CDH12: variants seen among roughly 807,000 people sequenced by gnomAD.
CDH12 encodes cadherin-12.
CDH12 carries 41 observed loss-of-function variants against 74.1 expected under a neutral mutation model. The observed-to-expected ratio is 0.55, with a 90% confidence interval of 0.43 to 0.72. The LOEUF is 0.72. CDH12 is among the 30% of genes least tolerant of loss of function. The pLI is 0.00. For missense variants in CDH12, 945 were observed against 977.2 expected (o/e 0.97, Z 0.44); for synonymous variants, 399 against 355.0 (o/e 1.12, Z -1.39).
chr5:22,002,059 T>G (rs2150144701), intron 5 of CDH12, among the ~76,000 whole-genome samples: 1 of 152,266 alleles, frequency 6.6e-6, no homozygotes, highest in African/African-American at 2.4e-5. Context: ...CTTGTAAAAG[T>G]TATTTATGAC....
At chr5:22,320,849 G>A (rs539715328) in intron 3 of CDH12, among the ~76,000 whole-genome samples, 5 of 152,258 alleles carry the variant, frequency 3.3e-5, no homozygotes, top group Non-Finnish European at 5.9e-5. Flanking sequence ...TAGTGGAAAG[G>A]GAGCTCTATC....
chr5:21,770,259 G>T lies in CDH12; in HGVS notation c.1394-5160C>A, dbSNP rs77402070. On this transcript the variant is annotated intron_variant, in intron 11 of 14. Coordinates refer to ENST00000382254, the MANE Select transcript of CDH12 (RefSeq NM_004061.5). ...AAGTACTAATGAACACAAGGTTCTTGTTAGATTAAAATACACTGGAGTTAT... is the reference window on the plus strand; with the variant it reads ...AAGTACTAATGAACACAAGGTTCTTTTTAGATTAAAATACACTGGAGTTAT... Among the ~76,000 whole-genome samples the T allele has an allele frequency of 5.2e-3, 798 of 152,288 alleles. 6 individuals are homozygous for T. Among genetic ancestry groups the T allele is most frequent in the African/African-American group, 0.018 (743 of 41,564 alleles).
Position 21,783,386 on chromosome 5 carries a change from A to G in CDH12, c.1365T>C (p.Tyr455=). 9.3e-6 allele frequency: 15 copies of G among 1,613,334 alleles called. No individual in the cohort carries two copies. Among genetic ancestry groups the G allele is most frequent in the Non-Finnish European group, 1.2e-5 (14 of 1,179,338 alleles). ...ELLDRESTAQ[Y]NFSIIASKVS... Reference sequence around the variant, plus strand: ...CTTTACTCGCAATTATGGAGAAATTATACTGCGCAGTGCTTTCTCTGTCTA... The same window carrying G: ...CTTTACTCGCAATTATGGAGAAATTGTACTGCGCAGTGCTTTCTCTGTCTA... Residue 455 remains tyrosine, a synonymous_variant, in exon 11 of 15, where the codon TAT becomes TAC. Coordinates refer to ENST00000382254, the MANE Select transcript of CDH12 (RefSeq NM_004061.5).
intron 2 of CDH12, among the ~76,000 whole-genome samples, chr5:22,478,246 G>A (rs968239614): frequency 4.0e-5 from 6 of 151,778 alleles, no homozygotes; most frequent in Non-Finnish European, 5.9e-5. Context: ...GTGAAACTCC[G>A]TCTCTACTAA....
intron 3 of CDH12, among the ~76,000 whole-genome samples, chr5:22,351,038 G>A (rs1227166158): frequency 2.0e-5 from 3 of 152,080 alleles, no homozygotes; most frequent in Non-Finnish European, 4.4e-5. Flanking sequence ...GCGGAGTCAA[G>A]CCTTATAGAG....
At chr5:22,116,794 A>G (rs1333938310) in intron 4 of CDH12, among the ~76,000 whole-genome samples, 1 of 151,764 alleles carries the variant, frequency 6.6e-6, no homozygotes, top group Non-Finnish European at 1.5e-5. Context: ...ACCTGTTACA[A>G]CAACAATAGG....
intron 1 of CDH12, among the ~76,000 whole-genome samples, chr5:22,844,840 G>A (rs1737229189): frequency 6.6e-6 from 1 of 152,106 alleles, no homozygotes; most frequent in Admixed American, 6.6e-5. Flanking sequence ...TCTGAAGAGA[G>A]CTACTGAATT....
intron 1 of CDH12, among the ~76,000 whole-genome samples, chr5:22,529,787 T>C (rs1031019768): frequency 1.3e-5 from 2 of 152,162 alleles, no homozygotes; most frequent in African/African-American, 4.8e-5. Flanking sequence ...TGCCAGATAT[T>C]GGCAATGAGA....
At chr5:21,856,434 G>A (rs1014971703) in intron 6 of CDH12, among the ~76,000 whole-genome samples, 13 of 151,714 alleles carry the variant, frequency 8.6e-5, no homozygotes, top group African/African-American at 3.1e-4. Flanking sequence ...TGTTCTACAT[G>A]TTGGGTATAT....
chr5:22,218,625 G>A (rs1185569889), intron 3 of CDH12, among the ~76,000 whole-genome samples: 2 of 151,650 alleles, frequency 1.3e-5, no homozygotes, highest in Non-Finnish European at 3.0e-5. Flanking sequence ...TGGGACAATG[G>A]AAATATTCAG....
chr5:22,433,371 T>C (rs967521532), intron 2 of CDH12, among the ~76,000 whole-genome samples: 3 of 152,158 alleles, frequency 2.0e-5, no homozygotes, highest in African/African-American at 7.2e-5. Context: ...TTTTCCAGCA[T>C]TTTTGAATCC....
intron 3 of CDH12, among the ~76,000 whole-genome samples, chr5:22,370,889 C>T (rs1264266135): frequency 6.6e-6 from 1 of 152,140 alleles, no homozygotes; most frequent in Non-Finnish European, 1.5e-5. Flanking sequence ...GGCGTAGATG[C>T]AACAATTAAC....
intron 4 of CDH12, among the ~76,000 whole-genome samples, chr5:22,134,195 T>C (rs184957689): frequency 2.5e-3 from 387 of 152,238 alleles, no homozygotes; most frequent in Non-Finnish European, 4.1e-3. Flanking sequence ...TGAAGAGTTC[T>C]ACCCATCACT....
intron 1 of CDH12, among the ~76,000 whole-genome samples, chr5:22,654,929 C>T (rs1262855464): frequency 6.6e-6 from 1 of 152,168 alleles, no homozygotes; most frequent in South Asian, 2.1e-4. Flanking sequence ...CTGTGCCGTG[C>T]CTCTTTCTAA....
At chr5:22,223,131 G>T (rs954460248) in intron 3 of CDH12, among the ~76,000 whole-genome samples, 1 of 152,012 alleles carries the variant, frequency 6.6e-6, no homozygotes, top group African/African-American at 2.4e-5. Context: ...TTTTAGTTCA[G>T]TGTATTTTAG....
intron 3 of CDH12, among the ~76,000 whole-genome samples, chr5:22,239,629 T>G (rs1752678696): frequency 6.6e-6 from 1 of 152,182 alleles, no homozygotes; most frequent in Admixed American, 6.5e-5. Flanking sequence ...AGAGACATTT[T>G]ATGGCTCTCA....
At chr5:22,465,959 C>G (rs914907306) in intron 2 of CDH12, among the ~76,000 whole-genome samples, 1 of 152,206 alleles carries the variant, frequency 6.6e-6, no homozygotes, top group Non-Finnish European at 1.5e-5. Flanking sequence ...CTCTACCCCA[C>G]CAACACTTTC....
rs61616737 is a variant in CDH12, at chr5:22,836,223, C to CTTTTTTTTTTTTTTTTTTTTTTTTTTT, written c.-523+16834_-523+16835insAAAAAAAAAAAAAAAAAAAAAAAAAAA. 1.2e-4 allele frequency among the ~76,000 whole-genome samples: 8 copies of CTTTTTTTTTTTTTTTTTTTTTTTTTTT among 65,506 alleles called. 1 individual carries two copies. Among genetic ancestry groups the CTTTTTTTTTTTTTTTTTTTTTTTTTTT allele is most frequent in the African/African-American group, 2.5e-4 (4 of 16,092 alleles). The allele number at this position is 65,506 out of a possible 152,430, so 43.0% of individuals were successfully genotyped here. On this transcript the variant is annotated intron_variant, in intron 1 of 14. Coordinates refer to ENST00000382254, the MANE Select transcript of CDH12 (RefSeq NM_004061.5). ...TTTTTTTCTTTTTTTCTTTCTTTCT[C>CTTTTTTTTTTTTTTTTTTTTTTTTTTT]TTTTTTTTTTTTTTTTTTGAGACAG...
intron 3 of CDH12, among the ~76,000 whole-genome samples, chr5:22,376,502 C>T (rs904817042): frequency 3.3e-5 from 5 of 151,996 alleles, no homozygotes; most frequent in African/African-American, 1.2e-4. Context: ...TGTGATGATA[C>T]ATTACATACC....
Sources: allele counts gnomAD v4.1 joint callset (sites outside exome capture counted in the v4.1 genomes callset), GRCh38; gene constraint gnomAD v4.1.1; transcripts MANE v1.5; gene names NCBI Gene and HGNC (gene_info 2026-07-23, HGNC 2026-07-21).